Variants in ATG5 observed in about 807,000 individuals in gnomAD.
ATG5 encodes the protein autophagy related 5, also known as autophagy protein 5.
Under a neutral mutation model 36.5 loss-of-function variants are expected in ATG5, and 14 were observed. That is an observed-to-expected ratio of 0.38 (90% confidence interval 0.25 to 0.60). ATG5 has a LOEUF of 0.60. ATG5 is among the 20% of genes least tolerant of loss of function. The probability of loss-of-function intolerance (pLI) is 0.60; values close to 1 mark genes in which losing one functional copy is unlikely to be tolerated. For missense variants in ATG5, 195 were observed against 326.7 expected (o/e 0.60, Z 3.11); for synonymous variants, 95 against 101.5 (o/e 0.94, Z 0.38).
chr6:106,189,329 G>C (rs1225226376), intron 7 of ATG5, among the ~76,000 whole-genome samples: 1 of 152,152 alleles, frequency 6.6e-6, no homozygotes, highest in African/African-American at 2.4e-5. Flanking sequence ...AACAGGCCAG[G>C]TGTGGTGGCT....
intron 3 of ATG5, among the ~76,000 whole-genome samples, chr6:106,303,487 T>TA (rs1455126448): frequency 6.6e-6 from 1 of 152,066 alleles, no homozygotes; most frequent in Admixed American, 6.6e-5. Flanking sequence ...ATCAAACACT[T>TA]AAAGAATTGA....
intron 5 of ATG5, among the ~76,000 whole-genome samples, chr6:106,260,413 A>G (rs1276996828): frequency 6.6e-6 from 1 of 152,214 alleles, no homozygotes; most frequent in African/African-American, 2.4e-5. Context: ...AGAGAAATAC[A>G]CTAAATGTAA....
intron 1 of ATG5, among the ~76,000 whole-genome samples, chr6:106,324,846 C>A (rs1771229442): frequency 6.6e-6 from 1 of 152,132 alleles, no homozygotes; most frequent in African/African-American, 2.4e-5. Context: ...CAGTTCAGAG[C>A]CAAGTATCCA....
At chr6:106,271,353 T>C (rs1423901744) in intron 5 of ATG5, among the ~76,000 whole-genome samples, 1 of 152,150 alleles carries the variant, frequency 6.6e-6, no homozygotes, top group East Asian at 1.9e-4. Context: ...GCTGATTAGG[T>C]CATAAGGGCG....
chr6:106,312,545 T>C (rs1361076205), intron 2 of ATG5, among the ~76,000 whole-genome samples: 1 of 142,354 alleles, frequency 7.0e-6, no homozygotes, highest in Non-Finnish European at 1.5e-5. Context: ...AAAAGTGAAG[T>C]GAAAAAAAAG....
intron 4 of ATG5, among the ~76,000 whole-genome samples, chr6:106,290,413 T>C (rs1780259271): frequency 6.6e-6 from 1 of 151,984 alleles, no homozygotes; most frequent in African/African-American, 2.4e-5. Flanking sequence ...CTCGAATTCC[T>C]GGGCTAAAGC....
intron 6 of ATG5, among the ~76,000 whole-genome samples, chr6:106,216,875 G>A (rs1777059556): frequency 6.6e-6 from 1 of 151,906 alleles, no homozygotes; most frequent in African/African-American, 2.4e-5. Flanking sequence ...GGGCAACACA[G>A]ACCATGTCTC....
chr6:106,304,517 T>C (rs1770355938), intron 3 of ATG5, among the ~76,000 whole-genome samples: 1 of 151,988 alleles, frequency 6.6e-6, no homozygotes, highest in African/African-American at 2.4e-5. Flanking sequence ...AAAAAACCAC[T>C]GATACACGCA....
chr6:106,273,736 T>C (rs1167618220), intron 5 of ATG5, among the ~76,000 whole-genome samples: 1 of 152,218 alleles, frequency 6.6e-6, no homozygotes, highest in Admixed American at 6.5e-5. Flanking sequence ...TTTCTCAGTC[T>C]ACTTATTCTA....
chr6:106,204,190 A>G (rs530049637), intron 6 of ATG5, among the ~76,000 whole-genome samples: 12 of 152,334 alleles, frequency 7.9e-5, no homozygotes, highest in Non-Finnish European at 1.6e-4. Flanking sequence ...ACAAACCTGC[A>G]CATTCTGCAC....
At chr6:106,286,937 C>T (rs1163458132) in intron 4 of ATG5, among the ~76,000 whole-genome samples, 1 of 152,168 alleles carries the variant, frequency 6.6e-6, no homozygotes, top group Admixed American at 6.5e-5. Flanking sequence ...CCTGATGGCA[C>T]CCTCATAACC....
chr6:106,221,264 C>T (rs17587319), intron 6 of ATG5, among the ~76,000 whole-genome samples: 1 of 152,154 alleles, frequency 6.6e-6, no homozygotes, highest in South Asian at 2.1e-4. Flanking sequence ...ATATTTTCTT[C>T]TAAGAGCTGT....
chr6:106,270,093 GTTAAT>G (rs1051003596), intron 5 of ATG5, among the ~76,000 whole-genome samples: 5 of 152,174 alleles, frequency 3.3e-5, no homozygotes, highest in African/African-American at 1.2e-4. Context: ...TTATTACAAA[GTTAAT>G]TTATTCACTT....
chr6:106,255,792 T>A (rs1438616230), intron 5 of ATG5, among the ~76,000 whole-genome samples: 1 of 152,210 alleles, frequency 6.6e-6, no homozygotes, highest in Non-Finnish European at 1.5e-5. Flanking sequence ...CCTTCATCCA[T>A]GACAATCTTT....
rs1400176189 is a variant in ATG5 at position 106,262,500 on chromosome 6, A to G, written c.479-14256T>C. 2.0e-5 allele frequency among the ~76,000 whole-genome samples: 3 copies of G among 152,216 alleles called. No individual in the cohort carries two copies. In the East Asian group the frequency reaches 5.8e-4, roughly 29 times the overall value. Reference sequence around the variant, plus strand: ...AGGATTAGAAAAGTAAGTACATCTAAAGTTTTCCATTCTCTTAAAGAAAAT... The same window carrying G: ...AGGATTAGAAAAGTAAGTACATCTAGAGTTTTCCATTCTCTTAAAGAAAAT... On this transcript the variant is annotated intron_variant, in intron 5 of 7. Coordinates refer to ENST00000369076, the MANE Select transcript of ATG5 (RefSeq NM_004849.4).
Position 106,274,165 on chromosome 6 carries a change from T to A in ATG5, c.478+5496A>T, listed in dbSNP as rs545388884. On this transcript the variant is annotated intron_variant, in intron 5 of 7. Transcript: ENST00000369076. ...TAAGTCATGGTAAAAACATTTTTTA[T>A]AGATTTCCTCAAATCACTAGCTTAT... Among the ~76,000 whole-genome samples, 22 of 152,350 alleles carry A rather than the reference T, an allele frequency of 1.4e-4. No homozygotes were observed. In the South Asian group the frequency reaches 4.6e-3, roughly 32 times the overall value.
chr6:106,317,077 G>A (rs1770880047), intron 1 of ATG5, among the ~76,000 whole-genome samples: 2 of 152,208 alleles, frequency 1.3e-5, no homozygotes, highest in South Asian at 4.1e-4. Flanking sequence ...CAATATTCTA[G>A]GTATGGCATA....
At chr6:106,192,144 T>A (rs1775988743) in intron 7 of ATG5, among the ~76,000 whole-genome samples, 1 of 152,084 alleles carries the variant, frequency 6.6e-6, no homozygotes, top group African/African-American at 2.4e-5. Context: ...TATATTCAAG[T>A]GGAGCACATC....
intron 6 of ATG5, among the ~76,000 whole-genome samples, chr6:106,213,233 C>T (rs993839511): frequency 1.3e-5 from 2 of 152,210 alleles, no homozygotes; most frequent in Middle Eastern, 3.4e-3. Flanking sequence ...AAATAACATG[C>T]AAACAACTGT....
Sources: gnomAD v4.1 joint callset for allele counts (sites outside exome capture counted in the v4.1 genomes callset) on GRCh38, gnomAD v4.1.1 for gene constraint, MANE v1.5 for transcripts, NCBI Gene and HGNC (gene_info 2026-07-23, HGNC 2026-07-21) for gene names.